Variants in EYA1 observed in about 807,000 individuals in gnomAD.
The protein encoded by EYA1 is EYA transcriptional coactivator and phosphatase 1, also known as protein phosphatase EYA1.
Under a neutral mutation model 82.0 loss-of-function variants are expected in EYA1, and 16 were observed. The ratio of observed to expected loss-of-function variants is 0.20; its 90% CI spans 0.13 to 0.30. The LOEUF (loss-of-function observed/expected upper bound fraction) is 0.30, where lower values mean the gene tolerates loss of function less well. Among genes scored for constraint, EYA1 ranks in the 10% least tolerant of loss-of-function variants. The pLI, the probability that EYA1 is intolerant of heterozygous loss-of-function variation, is 1.00. For missense variants in EYA1, 633 were observed against 730.7 expected (o/e 0.87, Z 1.54); for synonymous variants, 261 against 264.4 (o/e 0.99, Z 0.12).
rs888422394 is a variant in EYA1 at position 71,350,997 on chromosome 8, G to A, written c.124+3785C>T. 7.2e-5 allele frequency among the ~76,000 whole-genome samples: 11 copies of A among 152,242 alleles called. No homozygotes were observed. The South Asian group carries it at 1.2e-3, about 17-fold the overall frequency. ...AATATCAACACAAAGCCTTTGCCACGCAGAGGCTTGCACAGATTCCCAAAC... is the reference window on the plus strand; with the variant it reads ...AATATCAACACAAAGCCTTTGCCACACAGAGGCTTGCACAGATTCCCAAAC... On this transcript the variant is annotated intron_variant, in intron 3 of 17. Transcript: ENST00000340726.
chr8:71,394,443 T>C (rs1235144027), intron 2 of EYA1, among the ~76,000 whole-genome samples: 1 of 152,226 alleles, frequency 6.6e-6, no homozygotes, highest in South Asian at 2.1e-4. Flanking sequence ...TTTAAGTCTT[T>C]AATCCATCTT....
intron 2 of EYA1, among the ~76,000 whole-genome samples, chr8:71,423,235 T>TTCTCAAAGATTGAATGTAAA (rs570990866): frequency 1.4e-3 from 208 of 152,276 alleles, no homozygotes; most frequent in African/African-American, 4.8e-3. Context: ...GATAAAAACA[T>TTCTCAAAGATTGAATGTAAA]TCTCAAAGAT....
intron 2 of EYA1, among the ~76,000 whole-genome samples, chr8:71,380,630 G>C (rs1828644771): frequency 6.6e-6 from 1 of 152,170 alleles, no homozygotes; most frequent in African/African-American, 2.4e-5. Context: ...GTCTTTCAAA[G>C]TTTAACTTAG....
intron 3 of EYA1, among the ~76,000 whole-genome samples, chr8:71,341,717 A>C (rs1773076248): frequency 6.6e-6 from 1 of 152,196 alleles, no homozygotes; most frequent in Non-Finnish European, 1.5e-5. Flanking sequence ...AAGTAAAGTT[A>C]AGGTCATCTT....
intron 2 of EYA1, among the ~76,000 whole-genome samples, chr8:71,484,227 C>G (rs993431860): frequency 6.6e-6 from 1 of 152,170 alleles, no homozygotes; most frequent in Non-Finnish European, 1.5e-5. Context: ...GTGGAAAGAC[C>G]TTATTTTAGA....
At chr8:71,529,904 C>G (rs1814132083) in intron 2 of EYA1, 1 of 152,186 alleles carries the variant, frequency 6.6e-6, no homozygotes, top group Admixed American at 6.5e-5. Flanking sequence ...AGTTCCATTA[C>G]TTGCAACCAC....
chr8:71,290,738 CAA>C (rs1317533660), intron 9 of EYA1, among the ~76,000 whole-genome samples: 2 of 151,788 alleles, frequency 1.3e-5, no homozygotes, highest in Non-Finnish European at 2.9e-5. Flanking sequence ...CAGTATAAAA[CAA>C]AGAGTGAACT....
chr8:71,226,623 A>C (rs1563651548), intron 12 of EYA1, among the ~76,000 whole-genome samples: 2 of 148,788 alleles, frequency 1.3e-5, no homozygotes, highest in African/African-American at 4.9e-5. Context: ...GAGTCTCTAA[A>C]GGTAATGGAT....
At chr8:71,272,274 T>C (rs9657097) in intron 9 of EYA1, among the ~76,000 whole-genome samples, 59,069 of 151,842 alleles carry the variant, frequency 0.39, 12,040 homozygotes, top group East Asian at 0.71. Context: ...GCCTCAGCTG[T>C]GGCTCTCTCA....
intron 9 of EYA1, among the ~76,000 whole-genome samples, chr8:71,297,687 G>A (rs916082739): frequency 2.6e-5 from 4 of 152,090 alleles, no homozygotes; most frequent in African/African-American, 4.8e-5. Flanking sequence ...TATGTAAGTA[G>A]AGAAAGTTCT....
intron 4 of EYA1, among the ~76,000 whole-genome samples, chr8:71,333,895 C>A (rs1393404470): frequency 2.6e-5 from 4 of 152,148 alleles, no homozygotes; most frequent in African/African-American, 9.7e-5. Flanking sequence ...ATTTCAGCAA[C>A]CACTTCTTCA....
intron 2 of EYA1, among the ~76,000 whole-genome samples, chr8:71,505,317 G>T (rs576546109): frequency 6.6e-6 from 1 of 152,174 alleles, no homozygotes; most frequent in Admixed American, 6.6e-5. Context: ...TTTGAGAAGC[G>T]CTGGCTCAAG....
intron 3 of EYA1, chr8:71,334,439 T>C (rs1410239966): frequency 2.1e-6 from 1 of 478,318 alleles, no homozygotes; most frequent in Non-Finnish European, 3.8e-6. Flanking sequence ...TTGTTTTACA[T>C]ATTTACTGAA....
chr8:71,269,921 T>A (rs951253225), intron 10 of EYA1, 98 bp from the exon 11 acceptor site: 7 of 881,720 alleles, frequency 7.9e-6, no homozygotes, highest in Non-Finnish European at 1.2e-5. Flanking sequence ...AAACGGAAGA[T>A]GAATGAAAAA....
intron 11 of EYA1, among the ~76,000 whole-genome samples, chr8:71,266,922 C>T (rs1815900739): frequency 6.6e-6 from 1 of 152,210 alleles, no homozygotes; most frequent in South Asian, 2.1e-4. Context: ...TTGTTTACTA[C>T]CCACCACTCC....
chr8:71,543,734 A>AAAAACATAT (rs1815335887), intron 1 of EYA1, among the ~76,000 whole-genome samples: 2 of 152,220 alleles, frequency 1.3e-5, no homozygotes, highest in African/African-American at 4.8e-5. Flanking sequence ...GAAGGGGCTG[A>AAAAACATAT]AAAACATATC....
chr8:71,477,962 T>G (rs1395880033), intron 2 of EYA1, among the ~76,000 whole-genome samples: 3 of 151,976 alleles, frequency 2.0e-5, no homozygotes, highest in Non-Finnish European at 2.9e-5. Context: ...TTGGGTTAAG[T>G]CAAAGAAGCC....
intron 1 of EYA1, among the ~76,000 whole-genome samples, chr8:71,361,228 AG>A (rs1827344640): frequency 6.6e-6 from 1 of 152,200 alleles, no homozygotes; most frequent in African/African-American, 2.4e-5. Context: ...AGTGTGTAAA[AG>A]TTACTTATGT....
At chr8:71,240,729 T>C (rs1318355886) in intron 12 of EYA1, among the ~76,000 whole-genome samples, 1 of 152,216 alleles carries the variant, frequency 6.6e-6, no homozygotes, top group Non-Finnish European at 1.5e-5. Flanking sequence ...ATTATTTTTA[T>C]TTAGACCTGT....
Sources: allele counts gnomAD v4.1 joint callset (sites outside exome capture counted in the v4.1 genomes callset), GRCh38; gene constraint gnomAD v4.1.1; transcripts MANE v1.5; gene names NCBI Gene and HGNC (gene_info 2026-07-23, HGNC 2026-07-21).